Variants in EPHA6 observed in about 807,000 individuals in gnomAD.
EPHA6 encodes the protein ephrin type-A receptor 6.
EPHA6 carries 50 observed loss-of-function variants against 112.0 expected under a neutral mutation model. That is an observed-to-expected ratio of 0.45 (90% CI 0.36 to 0.56). EPHA6 has a LOEUF of 0.56. Ranked by LOEUF, EPHA6 falls within the 20% of genes least tolerant of loss-of-function variation. The pLI is 0.00. For synonymous variants in EPHA6, 529 were observed against 490.7 expected (o/e 1.08, Z -1.03); for missense variants, 1,280 against 1,417.4 (o/e 0.90, Z 1.56).
chr3:97,149,037 T>G (rs1371027209), intron 3 of EPHA6, among the ~76,000 whole-genome samples: 2 of 152,100 alleles, frequency 1.3e-5, no homozygotes, highest in Non-Finnish European at 2.9e-5. Context: ...GCTGTGACTT[T>G]GACAGTCAGA....
chr3:97,168,515 C>G (rs1160006986), intron 3 of EPHA6, among the ~76,000 whole-genome samples: 2 of 151,970 alleles, frequency 1.3e-5, no homozygotes, highest in Non-Finnish European at 2.9e-5. Context: ...TTTTCTCTCT[C>G]TGTGTTTCTC....
At chr3:96,965,939 C>A (rs1239118276) in intron 2 of EPHA6, among the ~76,000 whole-genome samples, 3 of 152,120 alleles carry the variant, frequency 2.0e-5, no homozygotes, top group East Asian at 3.9e-4. Flanking sequence ...TTGATACTTA[C>A]TTCTCATGTA....
chr3:97,087,870 T>G (rs2046948315), intron 3 of EPHA6, among the ~76,000 whole-genome samples: 1 of 152,104 alleles, frequency 6.6e-6, no homozygotes, highest in African/African-American at 2.4e-5. Context: ...TTAAAAATAT[T>G]TGTACCTTCA....
At chr3:97,292,084 A>G (rs1160064387) in intron 5 of EPHA6, among the ~76,000 whole-genome samples, 4 of 152,252 alleles carry the variant, frequency 2.6e-5, no homozygotes, top group Admixed American at 2.0e-4. Flanking sequence ...AGGCACCAGC[A>G]CAAGCACCAG....
intron 1 of EPHA6, among the ~76,000 whole-genome samples, chr3:96,840,139 G>A (rs965990652): frequency 1.3e-5 from 2 of 152,052 alleles, no homozygotes; most frequent in African/African-American, 4.8e-5. Flanking sequence ...CTAATAATAT[G>A]TCTGGTCCCA....
intron 12 of EPHA6, among the ~76,000 whole-genome samples, chr3:97,607,506 C>T (rs1336232353): frequency 1.3e-5 from 2 of 151,152 alleles, no homozygotes; most frequent in African/African-American, 4.8e-5. Flanking sequence ...CTTAGAGGAT[C>T]TTCATTCAAA....
chr3:96,896,906 C>T (rs1222964931), intron 2 of EPHA6, among the ~76,000 whole-genome samples: 3 of 151,990 alleles, frequency 2.0e-5, no homozygotes, highest in African/African-American at 7.2e-5. Context: ...GCCCTTAATT[C>T]TTAAAAAAGT....
chr3:97,374,105 T>C (rs910219982), intron 5 of EPHA6, among the ~76,000 whole-genome samples: 2 of 152,166 alleles, frequency 1.3e-5, no homozygotes, highest in African/African-American at 4.8e-5. Flanking sequence ...TATATTAGAA[T>C]ATAGCCTATT....
At chr3:97,560,566 T>C (rs2093175511) in intron 11 of EPHA6, 1 of 152,014 alleles carries the variant, frequency 6.6e-6, no homozygotes, top group South Asian at 2.1e-4. Context: ...TGCTGAAAAT[T>C]GGAGTGAACA....
At chr3:97,402,387 A>G (rs1489884626) in intron 5 of EPHA6, among the ~76,000 whole-genome samples, 4 of 152,030 alleles carry the variant, frequency 2.6e-5, no homozygotes, top group African/African-American at 9.7e-5. Context: ...TGATTCTTTC[A>G]TCATTATATA....
chr3:97,420,464 T>C (rs2088526371), intron 6 of EPHA6, among the ~76,000 whole-genome samples: 1 of 152,044 alleles, frequency 6.6e-6, no homozygotes, highest in Non-Finnish European at 1.5e-5. Flanking sequence ...AGAAAAAACT[T>C]CATACATATA....
chr3:97,294,755 G>T (rs558193366), intron 5 of EPHA6, among the ~76,000 whole-genome samples: 1 of 152,214 alleles, frequency 6.6e-6, no homozygotes, highest in South Asian at 2.1e-4. Context: ...GTTTCCAAGT[G>T]TAGGACTTAA....
chr3:96,945,216 G>T (rs1003223464), intron 2 of EPHA6, among the ~76,000 whole-genome samples: 5 of 152,080 alleles, frequency 3.3e-5, no homozygotes, highest in African/African-American at 1.2e-4. Flanking sequence ...CTTTCCCCTA[G>T]ATTAATAAAA....
At chr3:96,836,091 A>G (rs1168393242) in intron 1 of EPHA6, among the ~76,000 whole-genome samples, 2 of 152,092 alleles carry the variant, frequency 1.3e-5, no homozygotes, top group African/African-American at 4.8e-5. Flanking sequence ...GGTATGCAGC[A>G]CTTGACAAGT....
At chr3:97,277,887 T>C (rs555357422) in intron 5 of EPHA6, among the ~76,000 whole-genome samples, 22 of 152,288 alleles carry the variant, frequency 1.4e-4, no homozygotes, top group African/African-American at 4.8e-4. Context: ...TTATAAACAC[T>C]GTACGCTGAG....
intron 11 of EPHA6, among the ~76,000 whole-genome samples, chr3:97,540,446 C>T (rs966310962): frequency 2.6e-5 from 4 of 152,336 alleles, no homozygotes; most frequent in African/African-American, 9.6e-5. Flanking sequence ...TTCCAGAGCA[C>T]ACTTCCCTTC....
intron 3 of EPHA6, among the ~76,000 whole-genome samples, chr3:97,124,501 G>GAA (rs765904805): frequency 3.9e-5 from 5 of 127,196 alleles, no homozygotes; most frequent in African/African-American, 1.9e-4. Flanking sequence ...AAGAAAGAAA[G>GAA]AGAAAGAAAG....
intron 9 of EPHA6, among the ~76,000 whole-genome samples, chr3:97,481,784 A>G (rs2091561035): frequency 1.3e-5 from 2 of 152,104 alleles, no homozygotes; most frequent in Admixed American, 6.5e-5. Flanking sequence ...GGCATGGGAT[A>G]ACATGGAAAG....
At chr3:97,034,478 G>C (rs1239690829) in intron 3 of EPHA6, among the ~76,000 whole-genome samples, 1 of 151,886 alleles carries the variant, frequency 6.6e-6, no homozygotes, top group Non-Finnish European at 1.5e-5. Context: ...ATTGTGAGCA[G>C]TTTGTTCATC....
Sources: allele counts gnomAD v4.1 joint callset (sites outside exome capture counted in the v4.1 genomes callset), GRCh38; gene constraint gnomAD v4.1.1; transcripts MANE v1.5; gene names NCBI Gene and HGNC (gene_info 2026-07-23, HGNC 2026-07-21).